Variants in NWD2 observed in about 807,000 individuals in gnomAD.
NWD2 encodes the protein NACHT and WD repeat domain-containing protein 2.
Under a neutral mutation model 132.7 loss-of-function variants are expected in NWD2, and 37 were observed. The observed-to-expected ratio is 0.28, with a 90% CI of 0.21 to 0.37. The LOEUF (loss-of-function observed/expected upper bound fraction) is 0.37. Ranked by LOEUF, NWD2 falls within the 10% of genes least tolerant of loss-of-function variation. The probability of loss-of-function intolerance (pLI) is 1.00; values close to 1 mark genes in which losing one functional copy is unlikely to be tolerated. For synonymous variants in NWD2, 705 were observed against 803.0 expected (o/e 0.88, Z 2.06); for missense variants, 1,592 against 2,122.4 (o/e 0.75, Z 4.91).
chr4:37,326,656 C>T (rs1719179611), intron 2 of NWD2, among the ~76,000 whole-genome samples: 1 of 151,962 alleles, frequency 6.6e-6, no homozygotes, highest in African/African-American at 2.4e-5. Flanking sequence ...CTTGGGCATC[C>T]AAATGTTGAA....
rs541081079 is a variant in NWD2 at position 37,266,734 on chromosome 4, C to T, written c.151+21516C>T. ...TCTTAACTTATATCATTAATTATAC[C>T]GCCTTTATTTTGTCCTGTTTTTCTT... On this transcript the variant is annotated intron_variant, in intron 1 of 6. Transcript: ENST00000309447. Among the ~76,000 whole-genome samples the T allele has an allele frequency of 7.2e-5, 11 of 151,942 alleles. No individual in the cohort carries two copies. In the South Asian group the frequency reaches 8.3e-4, roughly 12 times the overall value.
chr4:37,443,732 A>G lies in NWD2; in HGVS notation c.1744A>G (p.Lys582Glu), dbSNP rs1712549979. Residue 582 changes from lysine (K) to glutamate (E), a missense_variant, in exon 7 of 7, where the codon AAA (lysine) becomes GAA (glutamate). Transcript: ENST00000309447. The surrounding 1 kb of genome is among the most constrained non-coding windows in gnomAD (Gnocchi z 4.1). ...CAGGAAGATGTGCAGCCAGGTCCTC[A>G]AACACCAGCTGCTGCGCGTCAAAAG... The part of the protein sequence containing the change: ...RDRKMCSQVL[K>E]HQLLRVKRKV... 1.3e-6 allele frequency: 2 copies of G among 1,552,040 alleles called. No homozygotes were observed. Among genetic ancestry groups the G allele is most frequent in the Non-Finnish European group, 8.7e-7 (1 of 1,147,086 alleles).
chr4:37,415,702 TAAAAAAAAA>T (rs10684720), intron 3 of NWD2, among the ~76,000 whole-genome samples: 1 of 118,400 alleles, frequency 8.4e-6, no homozygotes, highest in Non-Finnish European at 1.7e-5. Flanking sequence ...AGACTCCGTC[TAAAAAAAAA>T]AAAAAAAAAT....
chr4:37,405,094 C>T (rs1193643294), intron 3 of NWD2, among the ~76,000 whole-genome samples: 1 of 152,128 alleles, frequency 6.6e-6, no homozygotes, highest in Non-Finnish European at 1.5e-5. Flanking sequence ...AATGATGAAT[C>T]GATGAACAAA....
Position 37,445,785 on chromosome 4 carries a change from G to A in NWD2, c.3797G>A (p.Cys1266Tyr), listed in dbSNP as rs1712619339. The A allele has an allele frequency of 1.9e-6, 3 of 1,551,756 alleles. No individual in the cohort carries two copies. The highest frequency in any genetic ancestry group is 2.6e-6 in the Non-Finnish European group (3 of 1,147,040). Residue 1266 changes from cysteine (C) to tyrosine (Y), a missense_variant, in exon 7 of 7, where the codon TGT (cysteine) becomes TAT (tyrosine). By Grantham distance (194) the Cys-to-Tyr change is radical. Around this residue, in one of 7 missense-constraint regions of NWD2, gnomAD observed 1,071 missense variants for 1,398.0 expected, o/e 0.77. Coordinates refer to ENST00000309447, the MANE Select transcript of NWD2 (RefSeq NM_001144990.2). The surrounding 1 kb of genome is among the most constrained non-coding windows in gnomAD (Gnocchi z 4.7). ...VFFWRRDTGQ[C>Y]MASLQEISGS... The stretch of plus-strand genomic sequence containing the variant: ...TTTTGGAGGCGGGACACAGGACAGT[G>A]TATGGCAAGCTTGCAGGAAATCTCA...
chr4:37,420,887 A>G lies in NWD2; in HGVS notation c.358-9685A>G, dbSNP rs183795963. ...TAAGTACTCAATAAGAATTTATTGA[A>G]TGAATCCTTGATAACTGCCAGGACT... On this transcript the variant is annotated intron_variant, in intron 3 of 6. Transcript: ENST00000309447. Among the ~76,000 whole-genome samples the G allele has an allele frequency of 4.7e-3, 721 of 152,276 alleles. 5 individuals are homozygous for G. Among genetic ancestry groups the G allele is most frequent in the Non-Finnish European group, 7.1e-3 (481 of 68,010 alleles).
chr4:37,361,123 A>G (rs954811037), intron 3 of NWD2, among the ~76,000 whole-genome samples: 7 of 152,184 alleles, frequency 4.6e-5, no homozygotes, highest in African/African-American at 9.7e-5. Context: ...CCAATATTGA[A>G]CAAGGAAGAA....
chr4:37,407,795 A>C (rs1221300188), intron 3 of NWD2, among the ~76,000 whole-genome samples: 1 of 152,234 alleles, frequency 6.6e-6, no homozygotes, highest in Non-Finnish European at 1.5e-5. Context: ...AGATCGACAG[A>C]GAAGGCAGGT....
intron 3 of NWD2, among the ~76,000 whole-genome samples, chr4:37,419,743 G>A (rs1433072229): frequency 2.0e-5 from 3 of 152,072 alleles, no homozygotes; most frequent in Non-Finnish European, 4.4e-5. Context: ...GCAGACTTAC[G>A]TACCACACAT....
chr4:37,280,514 G>A (rs546334742), intron 1 of NWD2, among the ~76,000 whole-genome samples: 38 of 152,220 alleles, frequency 2.5e-4, no homozygotes, highest in African/African-American at 8.7e-4. Context: ...TAGGGAGAAC[G>A]TGCAGACTCC....
chr4:37,434,861 G>C (rs1712281138), intron 5 of NWD2, among the ~76,000 whole-genome samples: 1 of 151,242 alleles, frequency 6.6e-6, no homozygotes, highest in African/African-American at 2.4e-5. Context: ...TAGGAAGCTT[G>C]TGTTTTATTC....
intron 3 of NWD2, among the ~76,000 whole-genome samples, chr4:37,374,747 A>G (rs978304050): frequency 3.9e-5 from 6 of 152,242 alleles, no homozygotes; most frequent in African/African-American, 1.4e-4. Flanking sequence ...ATTTAGCCAC[A>G]GATATAGAAA....
chr4:37,346,618 A>C (rs1719642370), intron 2 of NWD2, among the ~76,000 whole-genome samples: 1 of 152,200 alleles, frequency 6.6e-6, no homozygotes, highest in Non-Finnish European at 1.5e-5. Context: ...TGCCATCCTA[A>C]CAATATTAAG....
chr4:37,367,000 C>T (rs1028548247), intron 3 of NWD2, among the ~76,000 whole-genome samples: 1 of 152,026 alleles, frequency 6.6e-6, no homozygotes, highest in Non-Finnish European at 1.5e-5. Context: ...TATAGAATGC[C>T]ACATTCAATA....
At chr4:37,284,237 A>G (rs934599202) in intron 1 of NWD2, among the ~76,000 whole-genome samples, 1 of 152,174 alleles carries the variant, frequency 6.6e-6, no homozygotes, top group Non-Finnish European at 1.5e-5. Flanking sequence ...GCATCCTCAC[A>G]TGGTAGGAGG....
At chr4:37,274,325 A>T (rs969679385) in intron 1 of NWD2, among the ~76,000 whole-genome samples, 4 of 152,214 alleles carry the variant, frequency 2.6e-5, no homozygotes, top group Non-Finnish European at 4.4e-5. Flanking sequence ...AAACTAGAAG[A>T]TTTAGAAGAA....
chr4:37,411,429 G>A (rs1378938685), intron 3 of NWD2, among the ~76,000 whole-genome samples: 1 of 151,994 alleles, frequency 6.6e-6, no homozygotes, highest in Non-Finnish European at 1.5e-5. Flanking sequence ...CCAAGTCTAA[G>A]CCAGGAAGAA....
chr4:37,265,163 G>C (rs1717723244), intron 1 of NWD2, among the ~76,000 whole-genome samples: 1 of 152,016 alleles, frequency 6.6e-6, no homozygotes, highest in Non-Finnish European at 1.5e-5. Context: ...TGATAATACT[G>C]AATCATTCTT....
chr4:37,345,344 A>G (rs1028511583), intron 2 of NWD2, among the ~76,000 whole-genome samples: 3 of 152,282 alleles, frequency 2.0e-5, no homozygotes, highest in East Asian at 1.9e-4. Flanking sequence ...TCAGCAATGT[A>G]TGAGGGTTCC....
Sources: gnomAD v4.1 joint callset for allele counts (sites outside exome capture counted in the v4.1 genomes callset) on GRCh38, gnomAD v4.1.1 for gene constraint, gnomAD v4.1.1 regional missense constraint, Gnocchi (gnomAD v3.1) non-coding constraint, MANE v1.5 for transcripts, NCBI Gene and HGNC (gene_info 2026-07-23, HGNC 2026-07-21) for gene names.